The following TVP23A variants were observed in gnomAD, a reference collection of about 807,000 sequenced individuals.
TVP23A encodes the protein trans-golgi network vesicle protein 23 homolog A.
A neutral mutation model predicts 31.7 loss-of-function variants in TVP23A; 21 were observed. The observed-to-expected ratio is 0.66, with a 90% confidence interval of 0.47 to 0.95. TVP23A has a LOEUF of 0.95. TVP23A is among the 40% of genes least tolerant of loss of function. TVP23A has a pLI of 0.00. For synonymous variants in TVP23A, 104 were observed against 96.0 expected, an observed-to-expected ratio of 1.08 and a Z score of -0.49; for missense variants, 279 against 255.6, an observed-to-expected ratio of 1.09 and a Z score of -0.62.
At chr16:10,762,805 G>A (rs2063413706), downstream of TVP23A, among the ~76,000 whole-genome samples, 1 of 152,122 alleles carries the variant, frequency 6.6e-6, no homozygotes, top group African/African-American at 2.4e-5. Context: ...AGAGGGTGGG[G>A]GCCGCGTGCT....
chr16:10,759,159 T>C (rs1451684072), downstream of TVP23A, among the ~76,000 whole-genome samples: 2 of 152,232 alleles, frequency 1.3e-5, no homozygotes, highest in Non-Finnish European at 2.9e-5. The surrounding 1 kb of genome is among the most constrained non-coding windows in gnomAD (Gnocchi z 4.7). Context: ...GACTCTGACA[T>C]GCCGGGCACC....
At chr16:10,787,906 G>A (rs993757090) in intron 2 of TVP23A, among the ~76,000 whole-genome samples, 3 of 152,086 alleles carry the variant, frequency 2.0e-5, no homozygotes, top group East Asian at 1.9e-4. Context: ...TAACATTTGC[G>A]TCAGATGCCG....
chr16:10,774,912 C>T (rs781173507), intron 3 of TVP23A, 40 bp downstream of exon 3: 19 of 1,577,188 alleles, frequency 1.2e-5, no homozygotes, highest in East Asian at 2.3e-5. Context: ...GGACAAGCCT[C>T]GTGTTTCGGA....
intron 2 of TVP23A, among the ~76,000 whole-genome samples, chr16:10,794,380 G>C (rs548477918): frequency 7.6e-4 from 115 of 152,228 alleles, no homozygotes; most frequent in African/African-American, 2.7e-3. Flanking sequence ...TGGATTAGGG[G>C]CCTGCCCTAC....
At position 10,779,559 on chromosome 16, in the gene TVP23A, G is replaced by C. The variant is rs2032292478; in HGVS notation, c.90-4463C>G. 6.6e-6 allele frequency among the ~76,000 whole-genome samples: 1 copy of C among 152,216 alleles called. No individual in the cohort carries two copies. The highest frequency in any genetic ancestry group is 1.5e-5 in the Non-Finnish European group (1 of 68,038). On this transcript the variant is annotated intron_variant, in intron 2 of 7. Coordinates refer to ENST00000299866, the MANE Select transcript of TVP23A (RefSeq NM_001079512.4). This position sits in a 1 kb window ranked among gnomAD's most constrained non-coding sequence, Gnocchi z 4.9. ...GAGGTTGCCCCTTGAGAGGCAAACA[G>C]CACAGGGGCATGGCACCAGCTGCGT...
intron 2 of TVP23A, among the ~76,000 whole-genome samples, chr16:10,804,526 T>C (rs576827837): frequency 1.3e-5 from 2 of 152,250 alleles, no homozygotes; most frequent in African/African-American, 4.8e-5. Flanking sequence ...GGCAAGAGGA[T>C]TGCCTGAGGC....
chr16:10,771,622 T>C (rs751822305), intron 6 of TVP23A, 48 bp downstream of exon 6: 3 of 1,604,216 alleles, frequency 1.9e-6, no homozygotes, highest in Non-Finnish European at 1.7e-6. Context: ...ACCTTGACTT[T>C]GACTACCTGG....
At chr16:10,799,597 A>G (rs1919256) in intron 2 of TVP23A, among the ~76,000 whole-genome samples, 36,331 of 152,194 alleles carry the variant, frequency 0.24, 9,796 homozygotes, top group African/African-American at 0.66. Flanking sequence ...GCCTCCCAAA[A>G]CGCTGGAATT....
intron 2 of TVP23A, among the ~76,000 whole-genome samples, chr16:10,809,469 C>T (rs1015921546): frequency 2.6e-5 from 4 of 152,200 alleles, no homozygotes; most frequent in Non-Finnish European, 5.9e-5. Flanking sequence ...TGGTGGGAAA[C>T]GGAGGCTACA....
At chr16:10,799,107 A>G (rs1398597229) in intron 2 of TVP23A, among the ~76,000 whole-genome samples, 2 of 152,196 alleles carry the variant, frequency 1.3e-5, no homozygotes, top group African/African-American at 2.4e-5. Flanking sequence ...GCCATCTTGG[A>G]CACAGCTCCT....
rs917395547 is a variant in TVP23A, at chr16:10,777,112, C to G, written c.90-2016G>C. On this transcript the variant is annotated intron_variant, in intron 2 of 7. Transcript: ENST00000299866. The surrounding 1 kb of genome is among the most constrained non-coding windows in gnomAD (Gnocchi z 4.5). ...AGCCCCTATTCAAGATGGAGTTGCT[C>G]TGGTTCACACGCCTCTGACACAGTG... is the stretch of plus-strand genomic sequence containing the variant. Among the ~76,000 whole-genome samples the G allele has an allele frequency of 1.3e-5, 2 of 152,154 alleles. No individual in the cohort carries two copies. Among genetic ancestry groups the G allele is most frequent in the Admixed American group, 6.5e-5 (1 of 15,268 alleles).
At chr16:10,770,099 G>T (rs1051367437) in intron 7 of TVP23A, among the ~76,000 whole-genome samples, 173 bp downstream of exon 7, 1 of 152,256 alleles carries the variant, frequency 6.6e-6, no homozygotes, top group African/African-American at 2.4e-5. Flanking sequence ...GAGCAATGAG[G>T]CTGCAAAGCC....
At chr16:10,817,417 T>C (rs1172642522) in intron 2 of TVP23A, among the ~76,000 whole-genome samples, 1 of 152,196 alleles carries the variant, frequency 6.6e-6, no homozygotes, top group South Asian at 2.1e-4. Context: ...GGCTGAGCTG[T>C]GGGTGTTTCT....
At chr16:10,790,212 T>C (rs1015211260) in intron 2 of TVP23A, among the ~76,000 whole-genome samples, 1 of 152,000 alleles carries the variant, frequency 6.6e-6, no homozygotes, top group African/African-American at 2.4e-5. Context: ...ATGTAAATTT[T>C]CCCCCACAAA....
At chr16:10,808,721 G>A in intron 2 of TVP23A, 1 of 347,570 alleles carries the variant, frequency 2.9e-6, no homozygotes, top group South Asian at 2.1e-5. Context: ...AGGCTGCAGT[G>A]AGCCATGATT....
intron 3 of TVP23A, among the ~76,000 whole-genome samples, chr16:10,774,635 A>T (rs1167038249): frequency 1.5e-5 from 2 of 134,910 alleles, no homozygotes; most frequent in Non-Finnish European, 3.1e-5. Context: ...TCCGAGACAG[A>T]GTTTGACTCT....
intron 2 of TVP23A, among the ~76,000 whole-genome samples, chr16:10,797,872 T>G (rs2033476795): frequency 6.6e-6 from 1 of 152,058 alleles, no homozygotes; most frequent in African/African-American, 2.4e-5. Flanking sequence ...CATCATTGAA[T>G]GAGGGTGATA....
Position 10,799,231 on chromosome 16 carries a change from G to A in TVP23A, c.89+18872C>T, listed in dbSNP as rs568940922. 4.6e-5 allele frequency among the ~76,000 whole-genome samples: 7 copies of A among 152,338 alleles called. No homozygotes were observed. The East Asian group carries it at 1.3e-3, about 29-fold the overall frequency. ...GAGCTGCTCCAATTCCTGAACTTCA[G>A]GTATAAGATAATAAATGTTTGTTAT... On this transcript the variant is annotated intron_variant, in intron 2 of 7. Coordinates refer to ENST00000299866, the MANE Select transcript of TVP23A (RefSeq NM_001079512.4).
At position 10,818,531 on chromosome 16, in the gene TVP23A, G is replaced by A. The variant is rs1293231442; in HGVS notation, c.-38C>T. 9 of 1,595,796 alleles carry A rather than the reference G, an allele frequency of 5.6e-6. No individual in the cohort carries two copies. The highest frequency in any genetic ancestry group is 2.7e-5 in the African/African-American group (2 of 74,538). On this transcript the variant is annotated 5_prime_UTR_variant, in exon 1 of 8. Transcript: ENST00000299866. The surrounding 1 kb of genome is among the most constrained non-coding windows in gnomAD (Gnocchi z 4.7). ...AGCCCACCTGGCGCCCAGGCCCGGGGCTCCAGCTCCGCCCGTCGCCGCTGA... is the reference window on the plus strand; with the variant it reads ...AGCCCACCTGGCGCCCAGGCCCGGGACTCCAGCTCCGCCCGTCGCCGCTGA...
Sources: gnomAD v4.1 joint callset for allele counts (sites outside exome capture counted in the v4.1 genomes callset) on GRCh38, gnomAD v4.1.1 for gene constraint, Gnocchi (gnomAD v3.1) non-coding constraint, MANE v1.5 for transcripts, NCBI Gene and HGNC (gene_info 2026-07-23, HGNC 2026-07-21) for gene names.